The following PLCH2 variants were observed in gnomAD, a reference collection of about 807,000 sequenced individuals.
PLCH2 encodes the protein 1-phosphatidylinositol 4,5-bisphosphate phosphodiesterase eta-2.
A neutral mutation model predicts 134.7 loss-of-function variants in PLCH2; 98 were observed. The ratio of observed to expected loss-of-function variants is 0.73; its 90% CI spans 0.62 to 0.86. PLCH2 has a LOEUF of 0.86. Among genes scored for constraint, PLCH2 ranks in the 40% least tolerant of loss-of-function variants. PLCH2 has a pLI of 0.00. For synonymous variants in PLCH2, 974 were observed against 827.5 expected (o/e 1.18, Z -3.04); for missense variants, 1,994 against 1,986.6 (o/e 1.00, Z -0.07).
intron 20 of PLCH2, 104 bp downstream of exon 20, chr1:2,499,824 A>G (rs1643117856): frequency 3.4e-6 from 3 of 892,470 alleles, no homozygotes; most frequent in Non-Finnish European, 3.6e-6. Context: ...GAACTCAGGC[A>G]GTGAGGCCTA....
At position 2,444,790 on chromosome 1, in the gene PLCH2, G is replaced by A. The variant is rs558195897; in HGVS notation, c.115+14161G>A. On this transcript the variant is annotated intron_variant, in intron 2 of 3. Coordinates refer to the PLCH2 transcript ENST00000609981. This position sits in a 1 kb window ranked among gnomAD's most constrained non-coding sequence, Gnocchi z 4.6. ...CTTCCCCCATGGCCTTCTCCCTCCA[G>A]GAGAATGGACCCGATCGGTGTCCCC... 1.0e-3 allele frequency among the ~76,000 whole-genome samples: 155 copies of A among 152,148 alleles called. No individual in the cohort carries two copies. Among genetic ancestry groups the A allele is most frequent in the South Asian group, 8.3e-3 (40 of 4,812 alleles).
intron 4 of PLCH2, among the ~76,000 whole-genome samples, chr1:2,484,037 C>CTGAATCCCGTGTGGGTGGCGT (rs1642157198): frequency 6.9e-6 from 1 of 145,408 alleles, no homozygotes; most frequent in Non-Finnish European, 1.5e-5. Context: ...GTGGGTGGCG[C>CTGAATCCCGTGTGGGTGGCGT]TGACTCCCGT....
chr1:2,437,774 T>C (rs1357269441), intron 2 of PLCH2, among the ~76,000 whole-genome samples: 2 of 152,134 alleles, frequency 1.3e-5, no homozygotes, highest in African/African-American at 4.8e-5. Context: ...CACATATGTA[T>C]ACCCACCCCC....
rs1049386618 is a variant in PLCH2, at chr1:2,476,777, G to T, written c.124+65G>T. 11 of 1,494,722 alleles carry T rather than the reference G, an allele frequency of 7.4e-6. No individual in the cohort carries two copies. In the South Asian group the frequency reaches 1.2e-4, roughly 16 times the overall value. 92.6% of individuals were successfully genotyped at this position (1,494,722 alleles called of 1,614,324 possible). On this transcript the variant is annotated intron_variant, in intron 1 of 21. Coordinates refer to ENST00000378486, the MANE Select transcript of PLCH2 (RefSeq NM_014638.4). ...CCCTGGCCAGGTGACTGGTGGGTGGGGGCTGTTCCTGGAGGTGGGGGAAGC... is the reference window on the plus strand; with the variant it reads ...CCCTGGCCAGGTGACTGGTGGGTGGTGGCTGTTCCTGGAGGTGGGGGAAGC...
intron 2 of PLCH2, among the ~76,000 whole-genome samples, chr1:2,432,136 A>G (rs1639099343): frequency 6.6e-6 from 1 of 152,194 alleles, no homozygotes. Flanking sequence ...ATGGCTGCCC[A>G]CAGTGAGGCC....
At chr1:2,480,728 G>T (rs1489458853) in intron 4 of PLCH2, among the ~76,000 whole-genome samples, 1 of 152,234 alleles carries the variant, frequency 6.6e-6, no homozygotes, top group Non-Finnish European at 1.5e-5. Flanking sequence ...GCAGCAGCTC[G>T]TTACTTTCCC....
chr1:2,463,029 G>C (rs1640897906), upstream of PLCH2, among the ~76,000 whole-genome samples: 2 of 152,230 alleles, frequency 1.3e-5, no homozygotes. Flanking sequence ...TCTGGGCTGT[G>C]TCTCTCCCAG....
intron 4 of PLCH2, among the ~76,000 whole-genome samples, chr1:2,483,664 G>A (rs1642094766): frequency 6.6e-6 from 1 of 152,098 alleles, no homozygotes; most frequent in Non-Finnish European, 1.5e-5. Context: ...CTTCCATGGG[G>A]ACTTTATTGC....
At chr1:2,454,074 C>T (rs186619232) in intron 2 of PLCH2, among the ~76,000 whole-genome samples, 37 of 152,318 alleles carry the variant, frequency 2.4e-4, no homozygotes, top group Non-Finnish European at 8.8e-5. Context: ...CTGTCACCCA[C>T]CTATGGGTGC....
upstream of PLCH2, among the ~76,000 whole-genome samples, chr1:2,424,261 T>C (rs577404385): frequency 6.6e-6 from 1 of 151,838 alleles, no homozygotes; most frequent in African/African-American, 2.4e-5. Flanking sequence ...CACGAAACTC[T>C]ATTATTAATT....
chr1:2,499,352 G>A, intron 19 of PLCH2, 122 bp downstream of exon 19: 1 of 1,231,932 alleles, frequency 8.1e-7, no homozygotes, highest in Non-Finnish European at 1.1e-6. Flanking sequence ...CAAAGAGACA[G>A]GAGCTGAGGA....
At chr1:2,500,553 G>C (rs888255826) in intron 20 of PLCH2, 2 of 152,360 alleles carry the variant, frequency 1.3e-5, no homozygotes, top group Non-Finnish European at 2.9e-5. Context: ...GCTCTGTTAG[G>C]AGCCTTGAAG....
the PLCH2 span, among the ~76,000 whole-genome samples, chr1:2,418,317 G>T: frequency 2.6e-5 from 4 of 152,372 alleles, no homozygotes; most frequent in Non-Finnish European, 5.9e-5. Flanking sequence ...GACCGAGAGA[G>T]ACAGGAGTGG....
At chr1:2,425,951 G>T (rs750970466), upstream of PLCH2, 2 of 152,350 alleles carry the variant, frequency 1.3e-5, no homozygotes, top group East Asian at 1.9e-4. Flanking sequence ...TGGAGTCCCC[G>T]TCGCTCGAGA....
At chr1:2,430,858 T>C (rs961506459) in intron 2 of PLCH2, among the ~76,000 whole-genome samples, 4 of 152,168 alleles carry the variant, frequency 2.6e-5, no homozygotes, top group African/African-American at 9.7e-5. Context: ...GCTCTCAGTG[T>C]GTGTCCCTTC....
intron 1 of PLCH2, among the ~76,000 whole-genome samples, chr1:2,468,185 T>A (rs1053324317): frequency 6.6e-6 from 1 of 152,162 alleles, no homozygotes; most frequent in Non-Finnish European, 1.5e-5. Flanking sequence ...AAGGTGGCCC[T>A]GAGCTGCAGT....
Position 2,484,568 on chromosome 1 carries a change from G to A in PLCH2, c.766G>A (p.Asp256Asn). The A allele has an allele frequency of 6.2e-7, 1 of 1,613,040 alleles. No individual in the cohort carries two copies. The highest frequency in any genetic ancestry group is 8.5e-7 in the Non-Finnish European group (1 of 1,179,824). ...CATGCTGACCTACAGCAACCACAAG[G>A]ACCACCTGGATGCCGCCAGCCTGCA... ...LLMLTYSNHKDHLDAASLQRF... is the reference protein window; with the variant it reads ...LLMLTYSNHKNHLDAASLQRF... Residue 256 changes from aspartate to asparagine, a missense_variant, in exon 5 of 22, where the codon GAC becomes AAC. Asp to Asn is a conservative substitution (Grantham distance 23). Coordinates refer to ENST00000378486, the MANE Select transcript of PLCH2 (RefSeq NM_014638.4).
At chr1:2,472,459 A>G (rs367997749), upstream of PLCH2, among the ~76,000 whole-genome samples, 4 of 152,148 alleles carry the variant, frequency 2.6e-5, no homozygotes, top group South Asian at 8.3e-4. Flanking sequence ...GGCGCGGAAG[A>G]GCCAGGGCCA....
At position 2,476,557 on chromosome 1, in the gene PLCH2, C is replaced by A. The variant is rs1028985549; in HGVS notation, c.-32C>A. The A allele has an allele frequency of 6.8e-7, 1 of 1,467,910 alleles. No individual in the cohort carries two copies. Among genetic ancestry groups the A allele is most frequent in the Non-Finnish European group, 9.0e-7 (1 of 1,115,008 alleles). The allele number at this position is 1,467,910 out of a possible 1,614,324, so 90.9% of individuals were successfully genotyped here. A position where few individuals can be genotyped will look rare whatever the true frequency, so the allele number is the denominator to read the frequency against. The stretch of plus-strand genomic sequence containing the variant: ...CCGAAGGCCGGTGGGCCTCTGTGGC[C>A]TCCGTGAAGCAGGCCCGGCTGTCGT... On this transcript the variant is annotated 5_prime_UTR_variant, in exon 1 of 22. Transcript: ENST00000378486.
Sources: gnomAD v4.1 joint callset for allele counts (sites outside exome capture counted in the v4.1 genomes callset) on GRCh38, gnomAD v4.1.1 for gene constraint, Gnocchi (gnomAD v3.1) non-coding constraint, MANE v1.5 for transcripts, NCBI Gene and HGNC (gene_info 2026-07-23, HGNC 2026-07-21) for gene names.